The following CREBBP variants were observed in gnomAD, a reference collection of about 807,000 sequenced individuals.
The protein encoded by CREBBP is CREB-binding protein.
A neutral mutation model predicts 265.0 loss-of-function variants in CREBBP; 19 were observed. The observed-to-expected ratio is 0.07, with a 90% CI of 0.05 to 0.11. The LOEUF (loss-of-function observed/expected upper bound fraction) is 0.11. Among genes scored for constraint, CREBBP ranks in the 10% least tolerant of loss-of-function variants. CREBBP has a pLI of 1.00. For missense variants in CREBBP, 2,525 were observed against 3,219.0 expected, an observed-to-expected ratio of 0.78 and a Z score of 5.22; for synonymous variants, 1,457 against 1,223.7, an observed-to-expected ratio of 1.19 and a Z score of -3.98.
At chr16:3,839,848 AG>A (rs930805712) in intron 2 of CREBBP, among the ~76,000 whole-genome samples, 7 of 151,830 alleles carry the variant, frequency 4.6e-5, no homozygotes, top group African/African-American at 1.7e-4. Flanking sequence ...AAAGAGAGAG[AG>A]GAAGAGTGAG....
At chr16:3,793,268 C>T in intron 4 of CREBBP, 118 bp downstream of exon 4, 1 of 1,381,582 alleles carries the variant, frequency 7.2e-7, no homozygotes, top group Admixed American at 1.7e-5. Flanking sequence ...CTTGCCACAC[C>T]CAATGGAAGG....
rs776020320 is a variant in CREBBP, at chr16:3,879,960, CCGGCGAGGGCCCGGACGGGGGT to C, written c.-66_-45del. The C allele has an allele frequency of 1.3e-6, 2 of 1,569,748 alleles. No individual in the cohort carries two copies. Among genetic ancestry groups the C allele is most frequent in the East Asian group, 2.3e-5 (1 of 43,282 alleles). On this transcript the variant is annotated 5_prime_UTR_variant, in exon 1 of 31. Transcript: ENST00000262367. ...ACAGCCCCGGGCACGGGCGGCCGGG[CCGGCGAGGGCCCGGACGGGGGT>C]CGGGGGCCCTGCCGGCTGCGAGGGA...
chr16:3,871,804 CCA>C (rs1442282206), intron 1 of CREBBP, among the ~76,000 whole-genome samples: 7 of 152,174 alleles, frequency 4.6e-5, no homozygotes, highest in Admixed American at 2.6e-4. Flanking sequence ...TTTCTCCTTA[CCA>C]CAGATTATGC....
intron 23 of CREBBP, among the ~76,000 whole-genome samples, chr16:3,744,684 ACATTCTTG>A (rs1307366941): frequency 6.6e-6 from 1 of 152,186 alleles, no homozygotes; most frequent in Non-Finnish European, 1.5e-5. Flanking sequence ...CCCCTGAAGA[ACATTCTTG>A]CATTCTTACC....
chr16:3,760,391 G>GTTTTTT (rs35861892), intron 16 of CREBBP, among the ~76,000 whole-genome samples: 14 of 75,944 alleles, frequency 1.8e-4, no homozygotes, highest in African/African-American at 5.0e-4. Context: ...TCATGCCCAG[G>GTTTTTT]TTTTTTTTTT....
At chr16:3,762,503 G>C (rs2052745505) in intron 16 of CREBBP, among the ~76,000 whole-genome samples, 1 of 151,074 alleles carries the variant, frequency 6.6e-6, no homozygotes, top group Non-Finnish European at 1.5e-5. Context: ...TCAGACTCCT[G>C]TCTTCACCAG....
intron 2 of CREBBP, among the ~76,000 whole-genome samples, chr16:3,845,257 T>C (rs1209143600): frequency 1.3e-5 from 2 of 152,084 alleles, no homozygotes; most frequent in Non-Finnish European, 1.5e-5. Flanking sequence ...TCCAGATAAA[T>C]CTGATAAAGT....
chr16:3,745,265 G>A lies in CREBBP; in HGVS notation c.3914+12C>T, dbSNP rs1478199109. On this transcript the variant is annotated intron_variant, in intron 22 of 30. Coordinates refer to ENST00000262367, the MANE Select transcript of CREBBP (RefSeq NM_004380.3). ...TGCAGAACTGCCCTCCAGGCCAGGG[G>A]AAACAACTCACCCTGAAGGCCAAAT... is the stretch of plus-strand genomic sequence containing the variant. 2.1e-5 allele frequency: 34 copies of A among 1,612,040 alleles called. No individual in the cohort carries two copies. The highest frequency in any genetic ancestry group is 2.6e-5 in the Non-Finnish European group (31 of 1,178,894).
At chr16:3,757,700 A>T in intron 18 of CREBBP, 109 bp downstream of exon 18, 2 of 1,471,888 alleles carry the variant, frequency 1.4e-6, no homozygotes, top group Non-Finnish European at 1.9e-6. Flanking sequence ...CAGACAGCAG[A>T]TTGCACATAT....
intron 19 of CREBBP, among the ~76,000 whole-genome samples, chr16:3,755,607 G>C (rs1293136550): frequency 6.6e-6 from 1 of 152,106 alleles, no homozygotes; most frequent in African/African-American, 2.4e-5. Context: ...ATACATCATG[G>C]GGTCTGCTGA....
intron 2 of CREBBP, among the ~76,000 whole-genome samples, chr16:3,818,396 C>T (rs965501209): frequency 6.6e-6 from 1 of 151,178 alleles, no homozygotes; most frequent in Non-Finnish European, 1.5e-5. Flanking sequence ...CAACCTCTGC[C>T]TCCCTGGTTC....
chr16:3,789,749 A>C (rs2053464467), intron 5 of CREBBP, among the ~76,000 whole-genome samples: 1 of 151,962 alleles, frequency 6.6e-6, no homozygotes, highest in Non-Finnish European at 1.5e-5. Context: ...GTTAATCTAA[A>C]TCTTCCTTGT....
rs764823751 is a variant in CREBBP at position 3,739,697 on chromosome 16, T to C, written c.4161A>G (p.Glu1387=). The change falls in exon 25 of 31, where the codon GAA becomes GAG. Residue 1387 remains glutamate (E), a synonymous_variant. Coordinates refer to ENST00000262367, the MANE Select transcript of CREBBP (RefSeq NM_004380.3). ...SRFVDSGEMS[E]SFPYRTKALF... ...GAGCTTTGGTTCGATATGGGAAAGA[T>C]TCAGACATTTCCCCAGAATCCACAA... is the stretch of plus-strand genomic sequence containing the variant. 2 of 1,614,230 alleles carry C rather than the reference T, an allele frequency of 1.2e-6. No individual in the cohort carries two copies. Among genetic ancestry groups the C allele is most frequent in the Non-Finnish European group, 1.7e-6 (2 of 1,180,038 alleles).
At chr16:3,748,112 C>T (rs929414623) in intron 21 of CREBBP, among the ~76,000 whole-genome samples, 1 of 151,088 alleles carries the variant, frequency 6.6e-6, no homozygotes, top group Non-Finnish European at 1.5e-5. Flanking sequence ...TAAATACATA[C>T]ATACATACAT....
At chr16:3,824,464 G>A (rs760700865) in intron 2 of CREBBP, among the ~76,000 whole-genome samples, 1 of 152,240 alleles carries the variant, frequency 6.6e-6, no homozygotes, top group Non-Finnish European at 1.5e-5. Context: ...CACGGAAACT[G>A]GAAAGCTCAG....
chr16:3,755,971 AT>A (rs906995612), intron 19 of CREBBP, among the ~76,000 whole-genome samples: 3 of 151,988 alleles, frequency 2.0e-5, no homozygotes, highest in Non-Finnish European at 2.9e-5. Context: ...TGTCAAAAGG[AT>A]TTTTTTTAAA....
chr16:3,831,746 C>T (rs765412227), intron 2 of CREBBP, among the ~76,000 whole-genome samples: 2 of 152,098 alleles, frequency 1.3e-5, no homozygotes, highest in Non-Finnish European at 2.9e-5. Context: ...CCTATAATCC[C>T]AGCACTTTGG....
At chr16:3,842,240 A>C (rs1188366933) in intron 2 of CREBBP, among the ~76,000 whole-genome samples, 1 of 152,190 alleles carries the variant, frequency 6.6e-6, no homozygotes, top group Non-Finnish European at 1.5e-5. Context: ...ATTCTTATCA[A>C]CCTTAAAATC....
In CREBBP at chr16:3,731,966, A is replaced by T. The variant is rs2151319994; in HGVS notation, c.4729-29T>A. The T allele has an allele frequency of 6.2e-7, 1 of 1,614,104 alleles. No homozygotes were observed. The highest frequency in any genetic ancestry group is 8.5e-7 in the Non-Finnish European group (1 of 1,180,044). Reference sequence around the variant, plus strand: ...CAACAACACGCAAGGCTGTGAGACCAGGCAAGTGCCCCTCCACACTTGGCA... The same window carrying T: ...CAACAACACGCAAGGCTGTGAGACCTGGCAAGTGCCCCTCCACACTTGGCA... On this transcript the variant is annotated intron_variant, in intron 28 of 30. Transcript: ENST00000262367. This position sits in a 1 kb window ranked among gnomAD's most constrained non-coding sequence, Gnocchi z 7.7.
Sources: allele counts gnomAD v4.1 joint callset (sites outside exome capture counted in the v4.1 genomes callset), GRCh38; gene constraint gnomAD v4.1.1; non-coding constraint Gnocchi (gnomAD v3.1); transcripts MANE v1.5; gene names NCBI Gene and HGNC (gene_info 2026-07-23, HGNC 2026-07-21).